GALNT13: variants seen among roughly 807,000 people sequenced by gnomAD.
GALNT13 encodes UDP-GalNAc:polypeptide N-acetylgalactosaminyltransferase 13.
Under a neutral mutation model 64.2 loss-of-function variants are expected in GALNT13, and 28 were observed. That is an observed-to-expected ratio of 0.44 (90% confidence interval 0.32 to 0.60). The LOEUF (loss-of-function observed/expected upper bound fraction) is 0.60, where lower values mean the gene tolerates loss of function less well. GALNT13 is among the 20% of genes least tolerant of loss of function. The probability of loss-of-function intolerance (pLI) is 0.05; values close to 1 mark genes in which losing one functional copy is unlikely to be tolerated. For synonymous variants in GALNT13, 214 were observed against 224.6 expected (o/e 0.95, Z 0.42); for missense variants, 577 against 669.8 (o/e 0.86, Z 1.53).
At chr2:153,414,572 G>A in the GALNT13 span, among the ~76,000 whole-genome samples, 37 of 149,094 alleles carry the variant, frequency 2.5e-4, no homozygotes, top group African/African-American at 7.9e-4. Flanking sequence ...ATGCATACAC[G>A]TCATTCAAAA....
the GALNT13 span, among the ~76,000 whole-genome samples, chr2:153,090,666 A>C: frequency 3.9e-5 from 6 of 152,276 alleles, no homozygotes; most frequent in Admixed American, 3.9e-4. Flanking sequence ...GCATATGGGA[A>C]GGGCCATAAA....
intron 2 of GALNT13, among the ~76,000 whole-genome samples, chr2:153,928,084 T>C (rs530070260): frequency 6.6e-6 from 1 of 152,228 alleles, no homozygotes; most frequent in South Asian, 2.1e-4. Context: ...TCTGTGCTTT[T>C]GTTTGACTTT....
chr2:154,064,502 A>C (rs1470262971), intron 3 of GALNT13, among the ~76,000 whole-genome samples: 1 of 152,118 alleles, frequency 6.6e-6, no homozygotes, highest in Non-Finnish European at 1.5e-5. Context: ...GAGAGGGAAG[A>C]GTAAAGAGTA....
the GALNT13 span, among the ~76,000 whole-genome samples, chr2:153,842,935 A>C: frequency 6.6e-6 from 1 of 152,186 alleles, no homozygotes; most frequent in Non-Finnish European, 1.5e-5. Context: ...CTGGAGAAAA[A>C]GATAATAGTT....
Position 154,091,076 on chromosome 2 carries a change from G to C in GALNT13, c.143-49261G>C, listed in dbSNP as rs150268371. Among the ~76,000 whole-genome samples, 1,062 of 151,908 alleles carry C rather than the reference G, an allele frequency of 7.0e-3. 10 individuals carry two copies. The highest frequency in any genetic ancestry group is 0.024 in the African/African-American group (978 of 41,502). On this transcript the variant is annotated intron_variant, in intron 3 of 12. Coordinates refer to ENST00000392825, the MANE Select transcript of GALNT13 (RefSeq NM_052917.4). ...CTGCATAAACAGGTTATAATATTGT[G>C]ATAATATGCAGTAACTGACTCTTTG...
chr2:153,184,072 G>T, the GALNT13 span, among the ~76,000 whole-genome samples: 1 of 152,064 alleles, frequency 6.6e-6, no homozygotes, highest in African/African-American at 2.4e-5. Flanking sequence ...CAGTATTGCC[G>T]TTTTCATGAT....
At chr2:154,222,792 G>C (rs1484131780) in intron 4 of GALNT13, among the ~76,000 whole-genome samples, 1 of 152,120 alleles carries the variant, frequency 6.6e-6, no homozygotes. Flanking sequence ...TTATGCATGA[G>C]TTCATGGAGT....
the GALNT13 span, among the ~76,000 whole-genome samples, chr2:153,536,737 T>C: frequency 1.3e-5 from 2 of 152,210 alleles, no homozygotes; most frequent in African/African-American, 2.4e-5. Context: ...ACTTACACTT[T>C]GGTGGGAAGA....
intron 9 of GALNT13, among the ~76,000 whole-genome samples, chr2:154,368,554 A>G (rs1477516107): frequency 6.6e-6 from 1 of 152,134 alleles, no homozygotes; most frequent in Non-Finnish European, 1.5e-5. Flanking sequence ...ACAGGCAGGG[A>G]GGTGGGTGAA....
At chr2:153,591,941 G>A in the GALNT13 span, among the ~76,000 whole-genome samples, 4 of 152,030 alleles carry the variant, frequency 2.6e-5, no homozygotes, top group Admixed American at 6.6e-5. Flanking sequence ...GATGAGGGAC[G>A]AATATCCAGA....
At chr2:153,463,904 G>T in the GALNT13 span, among the ~76,000 whole-genome samples, 2 of 152,046 alleles carry the variant, frequency 1.3e-5, no homozygotes, top group African/African-American at 4.8e-5. Context: ...CAACAGTTAG[G>T]TGTATATCCA....
chr2:153,545,567 A>C, the GALNT13 span, among the ~76,000 whole-genome samples: 1 of 152,196 alleles, frequency 6.6e-6, no homozygotes, highest in Non-Finnish European at 1.5e-5. Flanking sequence ...TTAAGTAAGC[A>C]GGTCTAGGAT....
chr2:154,018,901 T>A (rs1697221906), intron 3 of GALNT13, among the ~76,000 whole-genome samples: 1 of 148,796 alleles, frequency 6.7e-6, no homozygotes, highest in South Asian at 2.1e-4. Flanking sequence ...GAAGGAAGCC[T>A]GGAAAAAGGA....
rs555240973 is a variant in GALNT13, at chr2:154,378,764, A to G, written c.1157-17227A>G. ...TTAACCCTGATTTGATCATTATACAACATATATAGTATTAAAACATCAAAT... is the reference window on the plus strand; with the variant it reads ...TTAACCCTGATTTGATCATTATACAGCATATATAGTATTAAAACATCAAAT... On this transcript the variant is annotated intron_variant, in intron 9 of 12. Transcript: ENST00000392825. Among the ~76,000 whole-genome samples the G allele has an allele frequency of 2.3e-3, 352 of 152,182 alleles. 3 individuals carry two copies. Among genetic ancestry groups the G allele is most frequent in the Non-Finnish European group, 1.8e-3 (124 of 67,988 alleles).
chr2:153,874,712 G>A (rs1286130183), intron 1 of GALNT13, among the ~76,000 whole-genome samples: 1 of 152,110 alleles, frequency 6.6e-6, no homozygotes, highest in Non-Finnish European at 1.5e-5. Context: ...TTTTTTGGGA[G>A]GTTTCATTTA....
At chr2:153,719,582 G>A in the GALNT13 span, among the ~76,000 whole-genome samples, 1 of 152,168 alleles carries the variant, frequency 6.6e-6, no homozygotes, top group Admixed American at 6.5e-5. Context: ...GCCAGACAGT[G>A]GGCGCAGGCC....
chr2:153,932,348 T>A (rs1021400340), intron 2 of GALNT13, among the ~76,000 whole-genome samples: 1 of 151,910 alleles, frequency 6.6e-6, no homozygotes, highest in Non-Finnish European at 1.5e-5. Context: ...AATTTGCCCT[T>A]GTTTTACTCG....
At chr2:153,906,777 G>C (rs1382410680) in intron 2 of GALNT13, among the ~76,000 whole-genome samples, 1 of 151,242 alleles carries the variant, frequency 6.6e-6, no homozygotes, top group Non-Finnish European at 1.5e-5. Flanking sequence ...GGGATGGCTG[G>C]GTCAAATGGT....
chr2:153,882,901 A>G (rs1686878450), intron 1 of GALNT13, among the ~76,000 whole-genome samples: 1 of 151,600 alleles, frequency 6.6e-6, no homozygotes, highest in Non-Finnish European at 1.5e-5. Context: ...GACATTTAAG[A>G]TATAATGTAG....
Sources: allele counts gnomAD v4.1 joint callset (sites outside exome capture counted in the v4.1 genomes callset), GRCh38; gene constraint gnomAD v4.1.1; transcripts MANE v1.5; gene names NCBI Gene and HGNC (gene_info 2026-07-23, HGNC 2026-07-21).